The following GDAP1L1 variants were observed in gnomAD, a reference collection of about 807,000 sequenced individuals.
GDAP1L1 encodes the protein ganglioside-induced differentiation-associated protein 1-like 1.
GDAP1L1 carries 21 observed loss-of-function variants against 37.1 expected under a neutral mutation model. The ratio of observed to expected loss-of-function variants is 0.57; its 90% CI spans 0.40 to 0.81. GDAP1L1 has a LOEUF of 0.81. Ranked by LOEUF, GDAP1L1 falls within the 40% of genes least tolerant of loss-of-function variation. The pLI, the probability that GDAP1L1 is intolerant of heterozygous loss-of-function variation, is 0.00. For synonymous variants in GDAP1L1, 193 were observed against 209.1 expected, an observed-to-expected ratio of 0.92 and a Z score of 0.67; for missense variants, 362 against 491.6, an observed-to-expected ratio of 0.74 and a Z score of 2.49.
At chr20:44,248,330 C>T (rs1459182749) in intron 1 of GDAP1L1, among the ~76,000 whole-genome samples, 3 of 152,274 alleles carry the variant, frequency 2.0e-5, no homozygotes, top group Non-Finnish European at 2.9e-5. Context: ...GTTGTCCCGT[C>T]TCTGGGCCAC....
At chr20:44,254,428 C>T (rs1022734084) in intron 1 of GDAP1L1, among the ~76,000 whole-genome samples, 1 of 152,216 alleles carries the variant, frequency 6.6e-6, no homozygotes, top group African/African-American at 2.4e-5. Context: ...GTTTTTCCCC[C>T]TCTCTCAGAC....
At chr20:44,248,723 A>ACTG (rs550663180) in intron 1 of GDAP1L1, among the ~76,000 whole-genome samples, 1 of 152,218 alleles carries the variant, frequency 6.6e-6, no homozygotes, top group Non-Finnish European at 1.5e-5. Flanking sequence ...TAAAACCCAG[A>ACTG]CTGCTGGATT....
chr20:44,278,153 C>CAAAA (rs3037697), intron 5 of GDAP1L1, among the ~76,000 whole-genome samples: 1 of 86,008 alleles, frequency 1.2e-5, no homozygotes, highest in Admixed American at 1.1e-4. Flanking sequence ...GACTCCATCT[C>CAAAA]AAAAAAAAAA....
intron 5 of GDAP1L1, among the ~76,000 whole-genome samples, chr20:44,277,111 G>A (rs991578670): frequency 6.6e-6 from 1 of 152,038 alleles, no homozygotes; most frequent in Non-Finnish European, 1.5e-5. Flanking sequence ...TGCAACTTCC[G>A]CCTCCCGGGT....
At chr20:44,278,153 CAAAA>C (rs3037697) in intron 5 of GDAP1L1, among the ~76,000 whole-genome samples, 3 of 86,004 alleles carry the variant, frequency 3.5e-5, no homozygotes, top group African/African-American at 4.2e-5. Context: ...GACTCCATCT[CAAAA>C]AAAAAAAAAA....
rs1487855076 is a variant in GDAP1L1 at position 44,279,784 on chromosome 20, G to A, written c.*484G>A. The A allele has an allele frequency of 4.2e-6, 2 of 471,712 alleles. No individual in the cohort carries two copies. Among genetic ancestry groups the A allele is most frequent in the Non-Finnish European group, 4.4e-6 (1 of 227,240 alleles). The allele number at this position is 471,712 out of a possible 1,614,324, so 29.2% of individuals were successfully genotyped here. A position where few individuals can be genotyped will look rare whatever the true frequency, so the allele number is the denominator to read the frequency against. On this transcript the variant is annotated 3_prime_UTR_variant, in exon 6 of 6. Transcript: ENST00000342560. ...CTCCTCTAACCGGTACCTCTGAATG[G>A]GGCTGGATAACCGGAGACCCCATGG...
At chr20:44,266,408 G>C (rs530135385) in intron 5 of GDAP1L1, among the ~76,000 whole-genome samples, 3 of 151,752 alleles carry the variant, frequency 2.0e-5, no homozygotes, top group African/African-American at 7.3e-5. Flanking sequence ...GGGCCAAAAG[G>C]CTTGGTAGTT....
Position 44,279,183 on chromosome 20 carries a change from T to C in GDAP1L1, c.987T>C (p.Asn329=), listed in dbSNP as rs918142549. Residue 329 remains asparagine (N), a synonymous_variant, in exon 6 of 6, where the codon AAT becomes AAC. Transcript: ENST00000342560. The part of the protein sequence containing the change: ...HTTLLSAVIP[N]AFRLVKRKPP... ...CCCTGCTGTCGGCCGTCATCCCCAA[T>C]GCTTTCCGGCTGGTCAAGAGGAAAC... 2.5e-6 allele frequency: 4 copies of C among 1,614,050 alleles called. No individual in the cohort carries two copies. The highest frequency in any genetic ancestry group is 2.7e-5 in the African/African-American group (2 of 74,930).
chr20:44,277,219 G>A (rs1007745207), intron 5 of GDAP1L1, among the ~76,000 whole-genome samples: 1 of 151,778 alleles, frequency 6.6e-6, no homozygotes, highest in Non-Finnish European at 1.5e-5. Flanking sequence ...GAGCCACCCC[G>A]GCCTCCCAAA....
intron 5 of GDAP1L1, among the ~76,000 whole-genome samples, chr20:44,275,426 G>A (rs1366489456): frequency 6.6e-6 from 1 of 152,126 alleles, no homozygotes; most frequent in Non-Finnish European, 1.5e-5. Flanking sequence ...AGGGAGCACT[G>A]GACTCATGGA....
intron 5 of GDAP1L1, among the ~76,000 whole-genome samples, chr20:44,270,399 T>C (rs1380236473): frequency 6.6e-6 from 1 of 152,074 alleles, no homozygotes; most frequent in Non-Finnish European, 1.5e-5. Context: ...CTCGATCTCC[T>C]GACCTCGTGA....
chr20:44,274,529 C>T (rs1390090392), intron 5 of GDAP1L1, among the ~76,000 whole-genome samples: 1 of 152,222 alleles, frequency 6.6e-6, no homozygotes, highest in Non-Finnish European at 1.5e-5. Context: ...CACCAGTTCT[C>T]AGGCCTCCTA....
chr20:44,247,891 G>A (rs2073363796), intron 1 of GDAP1L1, among the ~76,000 whole-genome samples: 1 of 152,042 alleles, frequency 6.6e-6, no homozygotes, highest in African/African-American at 2.4e-5. Context: ...CTGCGGGGAG[G>A]GAGAAGAAGC....
intron 3 of GDAP1L1, among the ~76,000 whole-genome samples, chr20:44,260,403 T>C (rs1438003057): frequency 6.6e-6 from 1 of 151,920 alleles, no homozygotes. Context: ...AAGCTGCCAA[T>C]AGTTTGTGTC....
intron 1 of GDAP1L1, among the ~76,000 whole-genome samples, chr20:44,248,500 G>GGAACTCAAA (rs1259593081): frequency 9.2e-5 from 14 of 152,252 alleles, no homozygotes; most frequent in African/African-American, 3.4e-4. Context: ...AAAGGGCCTT[G>GGAACTCAAA]GAACTCAAAG....
intron 1 of GDAP1L1, 104 bp downstream of exon 1, chr20:44,247,618 A>C: frequency 8.1e-6 from 9 of 1,113,640 alleles, no homozygotes; most frequent in Non-Finnish European, 1.1e-5. Flanking sequence ...GGAGGGGGGA[A>C]CCTGGGGTTT....
In GDAP1L1 at chr20:44,280,038, G is replaced by A. The variant is rs2062625368; in HGVS notation, c.*738G>A. 1 of 328,340 alleles carries A rather than the reference G, an allele frequency of 3.0e-6. No individual in the cohort carries two copies. 20.3% of individuals were successfully genotyped at this position (328,340 alleles called of 1,614,324 possible). A position where few individuals can be genotyped will look rare whatever the true frequency, so the allele number is the denominator to read the frequency against. On this transcript the variant is annotated 3_prime_UTR_variant, in exon 6 of 6. Transcript: ENST00000342560. ...CTTGAGTTTTTCTACCCTGTGAGGT[G>A]GGACTTTCAGTAAAAGCCATGTTGA...
chr20:44,274,119 C>T lies in GDAP1L1; in HGVS notation c.761-4838C>T, dbSNP rs908406261. ...CGGTAGTATATATGCCCTCTTGTTA[C>T]CAAGGGATGGACTGTTCTTGTCCTT... is the stretch of plus-strand genomic sequence containing the variant. On this transcript the variant is annotated intron_variant, in intron 5 of 5. Coordinates refer to ENST00000342560, the MANE Select transcript of GDAP1L1 (RefSeq NM_024034.6). Among the ~76,000 whole-genome samples, 9 of 152,208 alleles carry T rather than the reference C, an allele frequency of 5.9e-5. 1 individual carries two copies.
intron 3 of GDAP1L1, among the ~76,000 whole-genome samples, chr20:44,259,272 G>T (rs1447534597): frequency 6.6e-6 from 1 of 152,168 alleles, no homozygotes; most frequent in Non-Finnish European, 1.5e-5. Context: ...TCCCTCAGCA[G>T]CTGTTTACAG....
Sources: allele counts gnomAD v4.1 joint callset (sites outside exome capture counted in the v4.1 genomes callset), GRCh38; gene constraint gnomAD v4.1.1; transcripts MANE v1.5; gene names NCBI Gene and HGNC (gene_info 2026-07-23, HGNC 2026-07-21).